PSMD1: variants seen among roughly 807,000 people sequenced by gnomAD.
PSMD1 encodes 26S proteasome non-ATPase regulatory subunit 1.
Under a neutral mutation model 119.0 loss-of-function variants are expected in PSMD1, and 18 were observed. The ratio of observed to expected loss-of-function variants is 0.15; its 90% CI spans 0.10 to 0.22. PSMD1 has a LOEUF of 0.22. PSMD1 is among the 10% of genes least tolerant of loss of function. PSMD1 has a pLI of 1.00. For missense variants in PSMD1, 702 were observed against 1,158.5 expected (o/e 0.61, Z 5.72); for synonymous variants, 374 against 396.6 (o/e 0.94, Z 0.68).
Position 231,153,556 on chromosome 2 carries a change from T to C in PSMD1, c.2116-8T>C, listed in dbSNP as rs752287458. Reference sequence around the variant, plus strand: ...CTTAGACTATAATTCTTTCTCTTGCTCCTTCAGGTGAATCAGTTCAGACAG... The same window carrying C: ...CTTAGACTATAATTCTTTCTCTTGCCCCTTCAGGTGAATCAGTTCAGACAG... On this transcript the variant is annotated splice_polypyrimidine_tract_variant and splice_region_variant and intron_variant, in intron 18 of 24. Coordinates refer to ENST00000308696, the MANE Select transcript of PSMD1 (RefSeq NM_002807.4). 1 of 1,583,376 alleles carries C rather than the reference T, an allele frequency of 6.3e-7. No homozygotes were observed. The highest frequency in any genetic ancestry group is 8.7e-7 in the Non-Finnish European group (1 of 1,154,400).
intron 16 of PSMD1, among the ~76,000 whole-genome samples, chr2:231,133,018 C>T (rs1414690926): frequency 6.6e-6 from 1 of 151,950 alleles, no homozygotes. Flanking sequence ...TTTTTTATTC[C>T]TTTCTTTGTG....
chr2:231,165,950 G>A lies in PSMD1; in HGVS notation c.2648G>A (p.Arg883Gln), dbSNP rs140293496. The change falls in exon 23 of 25, where the codon CGA becomes CAA. Residue 883 changes from arginine (R) to glutamine (Q), a missense_variant. This residue lies in a region of PSMD1 where 152 missense variants were observed against 239.3 expected (regional missense o/e 0.64). Transcript: ENST00000308696. ...PNFQLLDNPA[R>Q]VMPAQLKVLT... ...TTCCAGTTATTGGATAACCCAGCCC[G>A]AGTTATGCCTGCCCAGCTTAAGGTC... The A allele has an allele frequency of 6.2e-6, 10 of 1,613,872 alleles. No individual in the cohort carries two copies. Among genetic ancestry groups the A allele is most frequent in the Non-Finnish European group, 8.5e-6 (10 of 1,179,944 alleles).
chr2:231,068,826 G>C (rs1459208935), intron 5 of PSMD1, among the ~76,000 whole-genome samples: 2 of 152,174 alleles, frequency 1.3e-5, no homozygotes, highest in Admixed American at 1.3e-4. Flanking sequence ...ATATGCTAAA[G>C]AGAAGCCTTA....
chr2:231,099,496 C>T (rs1318275912), intron 16 of PSMD1, among the ~76,000 whole-genome samples: 1 of 152,172 alleles, frequency 6.6e-6, no homozygotes, highest in Non-Finnish European at 1.5e-5. Flanking sequence ...CTTTCGTTAT[C>T]CTTCCAGTGT....
chr2:231,062,502 T>A lies in PSMD1; in HGVS notation c.135-4T>A. On this transcript the variant is annotated splice_polypyrimidine_tract_variant and splice_region_variant and intron_variant, in intron 3 of 24. Transcript: ENST00000308696. ...CTAGACCTGTACTTCCTAATTTCTT[T>A]CAGAGAGGTTTTATACGAAGATGAA... 1 of 1,580,912 alleles carries A rather than the reference T, an allele frequency of 6.3e-7. No homozygotes were observed. Among genetic ancestry groups the A allele is most frequent in the South Asian group, 1.2e-5 (1 of 86,064 alleles).
chr2:231,103,385 C>T (rs1694913432), intron 16 of PSMD1, among the ~76,000 whole-genome samples: 1 of 152,158 alleles, frequency 6.6e-6, no homozygotes, highest in African/African-American at 2.4e-5. Flanking sequence ...AGTCTGGCAC[C>T]TCTAAACGGG....
intron 17 of PSMD1, among the ~76,000 whole-genome samples, chr2:231,144,418 A>ATTTTTTT (rs751682132): frequency 3.9e-4 from 29 of 75,194 alleles, no homozygotes; most frequent in Non-Finnish European, 4.5e-4. Flanking sequence ...CGCCCAGCTA[A>ATTTTTTT]TTTTTTTTTT....
intron 22 of PSMD1, 60 bp from the exon 23 acceptor site, chr2:231,165,811 C>T: frequency 2.2e-6 from 3 of 1,391,232 alleles, no homozygotes; most frequent in South Asian, 2.6e-5. Flanking sequence ...TCAGATGTTA[C>T]TCAGTTCTGT....
chr2:231,128,744 C>T (rs575311098), intron 16 of PSMD1, among the ~76,000 whole-genome samples: 5 of 152,166 alleles, frequency 3.3e-5, no homozygotes, highest in Admixed American at 6.5e-5. Context: ...GCCATCTCTA[C>T]TGTCACAGCT....
At chr2:231,128,355 G>A (rs1250339858) in intron 16 of PSMD1, among the ~76,000 whole-genome samples, 3 of 152,150 alleles carry the variant, frequency 2.0e-5, no homozygotes, top group Admixed American at 6.5e-5. Context: ...ACTTCAACAG[G>A]ACCTACAGTG....
intron 8 of PSMD1, among the ~76,000 whole-genome samples, 192 bp from the exon 9 acceptor site, chr2:231,076,842 G>A (rs1440367988): frequency 2.0e-5 from 3 of 152,096 alleles, no homozygotes; most frequent in African/African-American, 7.2e-5. Flanking sequence ...AAAGCTAGCT[G>A]GGGATGAATT....
intron 16 of PSMD1, among the ~76,000 whole-genome samples, chr2:231,127,666 A>T (rs1435606153): frequency 6.6e-6 from 1 of 152,176 alleles, no homozygotes; most frequent in African/African-American, 2.4e-5. Context: ...CTTTGACAAC[A>T]TTTTATGTGG....
intron 16 of PSMD1, among the ~76,000 whole-genome samples, chr2:231,095,653 G>A (rs768201196): frequency 2.6e-5 from 4 of 152,200 alleles, no homozygotes; most frequent in Admixed American, 6.5e-5. Context: ...ATTATTGATA[G>A]CTGGTATGGT....
At chr2:231,057,928 C>A (rs1693650458) in intron 1 of PSMD1, among the ~76,000 whole-genome samples, 1 of 152,152 alleles carries the variant, frequency 6.6e-6, no homozygotes, top group South Asian at 2.1e-4. Flanking sequence ...CTGTGTTTGA[C>A]CCACAAAGAA....
intron 16 of PSMD1, among the ~76,000 whole-genome samples, chr2:231,119,693 A>T (rs1460564026): frequency 6.6e-6 from 1 of 151,922 alleles, no homozygotes; most frequent in Non-Finnish European, 1.5e-5. Flanking sequence ...CAAAGTGGCA[A>T]AACCCCATCT....
chr2:231,083,845 C>G (rs950924544), intron 14 of PSMD1, 82 bp downstream of exon 14: 161 of 1,343,056 alleles, frequency 1.2e-4, no homozygotes, highest in Non-Finnish European at 1.6e-4. Flanking sequence ...TAACTCTGTT[C>G]CCATCAGAAC....
chr2:231,066,927 C>G lies in PSMD1; in HGVS notation c.326C>G (p.Thr109Ser). The G allele has an allele frequency of 6.2e-7, 1 of 1,610,052 alleles. No individual in the cohort carries two copies. The highest frequency in any genetic ancestry group is 8.5e-7 in the Non-Finnish European group (1 of 1,178,220). The stretch of plus-strand genomic sequence containing the variant: ...ACAGCAAAATGCATTGATCACTACA[C>G]CAAACAATGTGTGGAAAATGCAGAT... ...TIIAKCIDHYTKQCVENADLP... is the reference protein window; with the variant it reads ...TIIAKCIDHYSKQCVENADLP... The change falls in exon 5 of 25, where the codon ACC becomes AGC. Residue 109 changes from threonine (T) to serine (S), a missense_variant. Physicochemically the swap from Thr to Ser is moderately conservative, Grantham distance 58. This residue lies in a region of PSMD1 where 50 missense variants were observed against 41.8 expected (regional missense o/e 1.20). Coordinates refer to ENST00000308696, the MANE Select transcript of PSMD1 (RefSeq NM_002807.4).
intron 7 of PSMD1, among the ~76,000 whole-genome samples, chr2:231,075,285 G>C (rs1317093921): frequency 6.6e-6 from 1 of 152,126 alleles, no homozygotes; most frequent in Non-Finnish European, 1.5e-5. Flanking sequence ...TGTATTTGTT[G>C]TCCATGGTTT....
intron 19 of PSMD1, among the ~76,000 whole-genome samples, chr2:231,158,473 A>G (rs1177707221): frequency 3.3e-5 from 5 of 152,212 alleles, no homozygotes; most frequent in Non-Finnish European, 7.3e-5. Flanking sequence ...TTAAACTGCA[A>G]ATTATCAATA....
Sources: allele counts gnomAD v4.1 joint callset (sites outside exome capture counted in the v4.1 genomes callset), GRCh38; gene constraint gnomAD v4.1.1; regional missense constraint gnomAD v4.1.1; transcripts MANE v1.5; gene names NCBI Gene and HGNC (gene_info 2026-07-23, HGNC 2026-07-21).